The following PVT1 variants were observed in gnomAD, a reference collection of about 807,000 sequenced individuals.
PVT1 encodes the protein Pvt1 oncogene, also known as CXCR4/PVT1 fusion.
At chr8:127,973,537 C>T (rs1816787643) in intron 3 of PVT1, among the ~76,000 whole-genome samples, 1 of 152,080 alleles carries the variant, frequency 6.6e-6, no homozygotes, top group East Asian at 1.9e-4. Flanking sequence ...CTTGGCCACC[C>T]CTGCTTGGAC....
intron 2 of PVT1, chr8:127,855,283 A>G (rs1035738256): frequency 2.5e-6 from 1 of 398,562 alleles, no homozygotes. Flanking sequence ...GTGGATGGAG[A>G]AGCAGCTGGG....
In PVT1 at chr8:127,835,283, C is replaced by A. The variant is rs183116033; in HGVS notation, n.372+39212C>A. The stretch of plus-strand genomic sequence containing the variant: ...ATGCAGCCATAAAAAAGAATGCATT[C>A]ATGTCCTTTGCAGGGACTTGGATGA... On this transcript the variant is annotated intron_variant and non_coding_transcript_variant, in intron 2 of 10. Transcript: ENST00000651587. Among the ~76,000 whole-genome samples, 368 of 152,294 alleles carry A rather than the reference C, an allele frequency of 2.4e-3. 1 individual carries two copies. The highest frequency in any genetic ancestry group is 8.3e-3 in the African/African-American group (344 of 41,558).
intron 4 of PVT1, among the ~76,000 whole-genome samples, chr8:128,002,898 T>G (rs944081888): frequency 5.3e-5 from 8 of 152,104 alleles, no homozygotes; most frequent in African/African-American, 1.7e-4. Context: ...TTCTTTTCTT[T>G]TTTTCTCTTC....
chr8:127,980,087 C>G (rs1400035364), intron 3 of PVT1, among the ~76,000 whole-genome samples: 2 of 151,510 alleles, frequency 1.3e-5, no homozygotes, highest in African/African-American at 4.8e-5. Flanking sequence ...TCACTGTGCT[C>G]CCCAGGCTGG....
At chr8:127,895,063 C>T (rs1815658574) in intron 3 of PVT1, among the ~76,000 whole-genome samples, 1 of 152,210 alleles carries the variant, frequency 6.6e-6, no homozygotes, top group African/African-American at 2.4e-5. Context: ...GTTTTTCAGT[C>T]AATTCCTGAG....
intron 2 of PVT1, among the ~76,000 whole-genome samples, chr8:127,828,360 T>TAAC (rs1409190765): frequency 1.3e-5 from 2 of 152,134 alleles, no homozygotes; most frequent in African/African-American, 4.8e-5. Context: ...TAGCTGCAAA[T>TAAC]AACAACAACA....
chr8:127,952,966 A>G (rs6470594), intron 3 of PVT1, among the ~76,000 whole-genome samples: 129,016 of 151,602 alleles, frequency 0.85, 55,487 homozygotes, highest in African/African-American at 0.96. Flanking sequence ...GGGTTTCACC[A>G]TGTTGGCCAG....
At chr8:127,884,787 A>G (rs953060631) in intron 2 of PVT1, among the ~76,000 whole-genome samples, 3 of 152,214 alleles carry the variant, frequency 2.0e-5, no homozygotes, top group Admixed American at 6.5e-5. Flanking sequence ...AATGCCACAC[A>G]TTGTGTACTT....
intron 3 of PVT1, among the ~76,000 whole-genome samples, chr8:127,957,364 C>A (rs913081756): frequency 6.6e-6 from 1 of 152,064 alleles, no homozygotes; most frequent in Non-Finnish European, 1.5e-5. Flanking sequence ...GTCAAGAGAT[C>A]AAGACCATCC....
At chr8:128,086,401 G>A (rs1814255273) in intron 5 of PVT1, among the ~76,000 whole-genome samples, 1 of 152,164 alleles carries the variant, frequency 6.6e-6, no homozygotes, top group East Asian at 1.9e-4. Context: ...GTGCTACTAT[G>A]CTAATCCTCA....
rs560704038 is a variant in PVT1, at chr8:127,852,966, A to C, written n.373-37623A>C. Among the ~76,000 whole-genome samples the C allele has an allele frequency of 2.0e-5, 3 of 152,324 alleles. No homozygotes were observed. In the South Asian group the frequency reaches 6.2e-4, roughly 32 times the overall value. ...GTGGCTGAGTGTGACTTTGGCTGGC[A>C]TAGTGGTTGCTGAGAGAACAGACAA... On this transcript the variant is annotated intron_variant and non_coding_transcript_variant, in intron 2 of 10. Coordinates refer to ENST00000651587, the Ensembl canonical transcript of PVT1.
intron 5 of PVT1, among the ~76,000 whole-genome samples, chr8:128,081,692 G>A (rs551900762): frequency 9.2e-5 from 14 of 152,234 alleles, no homozygotes; most frequent in East Asian, 7.7e-4. Context: ...CCATGGCACC[G>A]TGAGTATAAT....
chr8:127,992,124 G>A (rs1460359633), intron 4 of PVT1, among the ~76,000 whole-genome samples: 1 of 151,490 alleles, frequency 6.6e-6, no homozygotes, highest in African/African-American at 2.4e-5. Flanking sequence ...AGTGGCTCAC[G>A]CCTGTAATTC....
At chr8:127,815,971 A>G (rs1384206646) in intron 2 of PVT1, among the ~76,000 whole-genome samples, 1 of 152,168 alleles carries the variant, frequency 6.6e-6, no homozygotes, top group Non-Finnish European at 1.5e-5. Context: ...TAAAAATACA[A>G]AAATTAGCTG....
chr8:127,993,257 A>G (rs767921084), intron 4 of PVT1, among the ~76,000 whole-genome samples: 3 of 152,224 alleles, frequency 2.0e-5, no homozygotes, highest in Non-Finnish European at 4.4e-5. Flanking sequence ...TTCACTGATC[A>G]TACACCGTCA....
At chr8:127,870,513 AT>A (rs1260015491) in intron 2 of PVT1, among the ~76,000 whole-genome samples, 2 of 152,296 alleles carry the variant, frequency 1.3e-5, no homozygotes, top group Admixed American at 1.3e-4. Context: ...ACAGAACCAA[AT>A]ACCCTTTGGG....
At chr8:127,960,698 C>G in intron 3 of PVT1, 1 of 520,928 alleles carries the variant, frequency 1.9e-6, no homozygotes, top group South Asian at 1.5e-5. Flanking sequence ...GAGTCTGTCT[C>G]CATTTTTCAG....
intron 2 of PVT1, among the ~76,000 whole-genome samples, chr8:127,872,940 A>G (rs1815368573): frequency 6.6e-6 from 1 of 152,204 alleles, no homozygotes; most frequent in African/African-American, 2.4e-5. Flanking sequence ...AAGCAAAGTG[A>G]CGGGACAGCC....
intron 4 of PVT1, among the ~76,000 whole-genome samples, chr8:128,027,039 A>G (rs1477415224): frequency 3.9e-5 from 6 of 152,100 alleles, no homozygotes; most frequent in Non-Finnish European, 5.9e-5. Flanking sequence ...TGATTACAAG[A>G]CACCATGCAT....
Sources: gnomAD v4.1 joint callset for allele counts (sites outside exome capture counted in the v4.1 genomes callset) on GRCh38, gnomAD v4.1.1 for gene constraint, MANE v1.5 for transcripts, NCBI Gene and HGNC (gene_info 2026-07-23, HGNC 2026-07-21) for gene names.